The following TMEM161B variants were observed in gnomAD, a reference collection of about 807,000 sequenced individuals.
TMEM161B encodes transmembrane protein 161B.
In TMEM161B, 34 loss-of-function variants were observed where a neutral mutation model predicts 61.8. That is an observed-to-expected ratio of 0.55 (90% CI 0.42 to 0.73). The LOEUF is 0.73. Ranked by LOEUF, TMEM161B falls within the 30% of genes least tolerant of loss-of-function variation. TMEM161B has a pLI of 0.00. For missense variants in TMEM161B, 456 were observed against 558.5 expected (o/e 0.82, Z 1.85); for synonymous variants, 167 against 192.8 (o/e 0.87, Z 1.11).
At chr5:88,242,668 A>G (rs1752938070) in intron 1 of TMEM161B, among the ~76,000 whole-genome samples, 1 of 151,724 alleles carries the variant, frequency 6.6e-6, no homozygotes. Flanking sequence ...TAGAAATTCC[A>G]TCTACTTCAT....
intron 2 of TMEM161B, among the ~76,000 whole-genome samples, chr5:88,236,481 A>G (rs1271786219): frequency 6.6e-6 from 1 of 152,220 alleles, no homozygotes; most frequent in Admixed American, 6.5e-5. Context: ...TTTTATTACA[A>G]TACAAAGTAG....
chr5:88,249,654 C>G (rs1203895323), intron 1 of TMEM161B, among the ~76,000 whole-genome samples: 1 of 151,982 alleles, frequency 6.6e-6, no homozygotes, highest in Non-Finnish European at 1.5e-5. Flanking sequence ...CCCAATAATT[C>G]TCTCAGAAAG....
At chr5:88,193,388 C>G (rs1489767082), downstream of TMEM161B, among the ~76,000 whole-genome samples, 1 of 152,024 alleles carries the variant, frequency 6.6e-6, no homozygotes, top group African/African-American at 2.4e-5. Context: ...AAGAACTATA[C>G]TGGTCTAATT....
chr5:88,228,237 GA>G (rs1750387108), intron 3 of TMEM161B, among the ~76,000 whole-genome samples: 1 of 152,036 alleles, frequency 6.6e-6, no homozygotes, highest in Admixed American at 6.6e-5. Context: ...TTGTTTTCAT[GA>G]TTTAAACAAA....
At chr5:88,204,730 C>A (rs1745112205) in intron 8 of TMEM161B, among the ~76,000 whole-genome samples, 1 of 149,960 alleles carries the variant, frequency 6.7e-6, no homozygotes, top group South Asian at 2.1e-4. Context: ...CGGGATGCAG[C>A]CAAAAGCACA....
intron 1 of TMEM161B, among the ~76,000 whole-genome samples, chr5:88,242,901 T>C (rs544009103): frequency 1.1e-3 from 167 of 151,376 alleles, no homozygotes; most frequent in African/African-American, 3.4e-3. Flanking sequence ...ATATAAACAA[T>C]GTAAAAAGAT....
chr5:88,196,806 G>A (rs968179108), intron 11 of TMEM161B, among the ~76,000 whole-genome samples: 2 of 151,972 alleles, frequency 1.3e-5, no homozygotes, highest in Non-Finnish European at 2.9e-5. Flanking sequence ...AACTCTACTG[G>A]AGTGACAAGG....
At position 88,206,084 on chromosome 5, in the gene TMEM161B, G is replaced by A; in HGVS notation, c.660-130C>T. The A allele has an allele frequency of 3.8e-6, 3 of 796,882 alleles. No homozygotes were observed. The South Asian group carries it at 5.8e-5, about 15-fold the overall frequency. The allele number at this position is 796,882 out of a possible 1,614,324, so 49.4% of individuals were successfully genotyped here. On this transcript the variant is annotated intron_variant, in intron 7 of 11. Coordinates refer to ENST00000296595, the MANE Select transcript of TMEM161B (RefSeq NM_153354.5). ...CAAAGCAAATTTCTACAAAAAGATT[G>A]CTATTATTCAAGTACCTATAATGGA... is the stretch of plus-strand genomic sequence containing the variant.
At chr5:88,192,880 T>C (rs909258633), downstream of TMEM161B, among the ~76,000 whole-genome samples, 1 of 152,220 alleles carries the variant, frequency 6.6e-6, no homozygotes, top group Non-Finnish European at 1.5e-5. Context: ...AAGAATAATA[T>C]CTATCCAGTG....
intron 6 of TMEM161B, 60 bp from the exon 7 acceptor site, chr5:88,206,559 T>G: frequency 7.1e-7 from 1 of 1,403,312 alleles, no homozygotes; most frequent in Admixed American, 2.5e-5. Context: ...AAATACAGAA[T>G]CTTTCCATGG....
intron 2 of TMEM161B, among the ~76,000 whole-genome samples, chr5:88,237,838 T>A (rs1752112640): frequency 6.6e-6 from 1 of 152,082 alleles, no homozygotes; most frequent in Non-Finnish European, 1.5e-5. Flanking sequence ...ATCAACAAAC[T>A]AATTTGTAAG....
chr5:88,215,460 G>A (rs973613935), intron 5 of TMEM161B, among the ~76,000 whole-genome samples: 1 of 151,336 alleles, frequency 6.6e-6, no homozygotes, highest in African/African-American at 2.4e-5. Context: ...TGCCTTTAAA[G>A]GTGGTAGGTA....
Position 88,268,781 on chromosome 5 carries a change from C to T in TMEM161B, c.-58G>A. The T allele has an allele frequency of 1.9e-6, 3 of 1,613,476 alleles. No homozygotes were observed. The highest frequency in any genetic ancestry group is 2.5e-6 in the Non-Finnish European group (3 of 1,179,648). On this transcript the variant is annotated 5_prime_UTR_variant, in exon 1 of 12. Coordinates refer to ENST00000296595, the MANE Select transcript of TMEM161B (RefSeq NM_153354.5). ...TGGAGTTGCCGGGGCAGTCCCAAAC[C>T]TCTTACCTCCCGGTCCTTGAGCCGA...
chr5:88,202,140 G>C (rs1561308092), intron 9 of TMEM161B: 1 of 454,188 alleles, frequency 2.2e-6, no homozygotes, highest in Non-Finnish European at 4.4e-6. Context: ...GGGAAACAGA[G>C]GCTCAGTGAA....
intron 1 of TMEM161B, among the ~76,000 whole-genome samples, chr5:88,241,909 C>T (rs907158303): frequency 2.0e-5 from 3 of 151,770 alleles, no homozygotes; most frequent in Non-Finnish European, 4.4e-5. Context: ...CTTATATCTA[C>T]ATCTGTCTTT....
downstream of TMEM161B, among the ~76,000 whole-genome samples, chr5:88,194,305 T>C (rs143203865): frequency 3.2e-4 from 49 of 152,280 alleles, no homozygotes; most frequent in African/African-American, 1.2e-3. Flanking sequence ...TCATCCATGT[T>C]GCTTCAAAGA....
chr5:88,246,910 C>T (rs892408581), intron 1 of TMEM161B, among the ~76,000 whole-genome samples: 14 of 152,034 alleles, frequency 9.2e-5, no homozygotes, highest in Non-Finnish European at 1.8e-4. Flanking sequence ...GTTTTATTAA[C>T]GCTTCAAAAC....
rs554623306 is a variant in TMEM161B, at chr5:88,254,649, C to T, written c.4-13733G>A. Among the ~76,000 whole-genome samples, 6 of 152,114 alleles carry T rather than the reference C, an allele frequency of 3.9e-5. No homozygotes were observed. The East Asian group carries it at 1.2e-3, about 29-fold the overall frequency. ...GCAAGAAGTTCAAGACCAGCCTGGG[C>T]AACATAGCGAGACACCCTTCTACCA... On this transcript the variant is annotated intron_variant, in intron 1 of 11. Coordinates refer to ENST00000296595, the MANE Select transcript of TMEM161B (RefSeq NM_153354.5).
chr5:88,251,433 C>G (rs1216407949), intron 1 of TMEM161B, among the ~76,000 whole-genome samples: 1 of 152,106 alleles, frequency 6.6e-6, no homozygotes, highest in Admixed American at 6.6e-5. Flanking sequence ...TCTAATCTTG[C>G]GGTCTTTCAC....
Sources: allele counts gnomAD v4.1 joint callset (sites outside exome capture counted in the v4.1 genomes callset), GRCh38; gene constraint gnomAD v4.1.1; transcripts MANE v1.5; gene names NCBI Gene and HGNC (gene_info 2026-07-23, HGNC 2026-07-21).